The following UNC93A variants were observed in gnomAD, a reference collection of about 807,000 sequenced individuals.
The protein encoded by UNC93A is N-acetylglucosamine transporter UNC93A.
A neutral mutation model predicts 47.5 loss-of-function variants in UNC93A; 43 were observed. The ratio of observed to expected loss-of-function variants is 0.91; its 90% CI spans 0.71 to 1.17. UNC93A has a LOEUF of 1.17. UNC93A is among the 50% of genes most tolerant of loss of function. UNC93A has a pLI of 0.00. For missense variants in UNC93A, 605 were observed against 577.6 expected (o/e 1.05, Z -0.49); for synonymous variants, 280 against 258.0 (o/e 1.09, Z -0.82).
At chr6:167,310,772 G>A (rs1250821489) in intron 7 of UNC93A, among the ~76,000 whole-genome samples, 1 of 152,120 alleles carries the variant, frequency 6.6e-6, no homozygotes, top group Non-Finnish European at 1.5e-5. Context: ...TCTCAGCTAC[G>A]AGGGAGGCTG....
rs1350100024 is a variant in UNC93A at position 167,305,905 on chromosome 6, C to T, written c.841-10C>T. On this transcript the variant is annotated splice_polypyrimidine_tract_variant and intron_variant, in intron 5 of 7. Transcript: ENST00000230256. ...GCGTCCATGACGTGGCTCTGCACCC[C>T]TCTCCCCAGTCCTATGTCACCTGCA... The T allele has an allele frequency of 1.2e-6, 2 of 1,614,134 alleles. No homozygotes were observed. The highest frequency in any genetic ancestry group is 2.2e-5 in the East Asian group (1 of 44,866).
At chr6:167,288,195 T>C (rs1783774279), upstream of UNC93A, among the ~76,000 whole-genome samples, 1 of 152,110 alleles carries the variant, frequency 6.6e-6, no homozygotes, top group Non-Finnish European at 1.5e-5. Context: ...TAATGGAAAT[T>C]AGCTAAGGGT....
intron 1 of UNC93A, among the ~76,000 whole-genome samples, chr6:167,278,161 CACATT>C (rs541633746): frequency 1.3e-5 from 2 of 152,226 alleles, no homozygotes; most frequent in Admixed American, 1.3e-4. Flanking sequence ...GAAAAAGGGA[CACATT>C]ACATTACATT....
intron 2 of UNC93A, among the ~76,000 whole-genome samples, chr6:167,295,552 G>A (rs944401778): frequency 1.0e-5 from 1 of 95,282 alleles, no homozygotes; most frequent in African/African-American, 6.4e-5. Flanking sequence ...CGCCTCCCTC[G>A]TGCTCCTCGC....
At chr6:167,292,841 C>A (rs1428635430) in intron 1 of UNC93A, among the ~76,000 whole-genome samples, 1 of 152,140 alleles carries the variant, frequency 6.6e-6, no homozygotes, top group Non-Finnish European at 1.5e-5. Context: ...TTAGAAAGCT[C>A]ACCTGCCTGC....
Position 167,315,423 on chromosome 6 carries a change from G to C in UNC93A, c.1345G>C (p.Glu449Gln), listed in dbSNP as rs377019875. 1.7e-5 allele frequency: 28 copies of C among 1,613,872 alleles called. No homozygotes were observed. The highest frequency in any genetic ancestry group is 2.0e-5 in the Non-Finnish European group (24 of 1,179,882). ...CGCTCCAGGACAGGTCAACCAGGCA[G>C]AGGATGAAGAAATACAAACAAAAAT... Reference protein sequence around the residue: ...PHAPGQVNQAEDEEIQTKM With the variant: ...PHAPGQVNQAQDEEIQTKM Residue 449 changes from glutamate to glutamine, a missense_variant, in exon 8 of 8, where the codon GAG becomes CAG. Glu to Gln is a conservative substitution (Grantham distance 29, BLOSUM62 2). Transcript: ENST00000230256.
upstream of UNC93A, among the ~76,000 whole-genome samples, chr6:167,290,159 G>A (rs1332999485): frequency 1.3e-5 from 2 of 152,222 alleles, no homozygotes; most frequent in African/African-American, 4.8e-5. Context: ...GGATTAGGGT[G>A]TGAACCCGTG....
Position 167,274,448 on chromosome 6 carries a change from C to T in UNC93A, c.-52+2990C>T, listed in dbSNP as rs182340606. On this transcript the variant is annotated intron_variant, in intron 1 of 3. Coordinates refer to the UNC93A transcript ENST00000503433. The stretch of plus-strand genomic sequence containing the variant: ...CTGGGATGGTTATTTCTTCAGGAAG[C>T]GTCATCCTGTTCTTCTTCTTCCTGT... Among the ~76,000 whole-genome samples the T allele has an allele frequency of 3.2e-4, 48 of 152,246 alleles. 1 individual carries two copies. The highest frequency in any genetic ancestry group is 1.7e-3 in the Admixed American group (26 of 15,306).
intron 7 of UNC93A, among the ~76,000 whole-genome samples, chr6:167,311,947 A>G (rs1778568353): frequency 6.6e-6 from 1 of 151,252 alleles, no homozygotes. Flanking sequence ...TAGTGGGGGG[A>G]CAGCCTTTAT....
At chr6:167,300,615 G>A (rs983008351) in intron 4 of UNC93A, among the ~76,000 whole-genome samples, 7 of 152,112 alleles carry the variant, frequency 4.6e-5, no homozygotes, top group Non-Finnish European at 2.9e-5. Flanking sequence ...GAGGAGCCAC[G>A]GTTTTCTCTG....
chr6:167,282,332 G>A (rs561236183), intron 1 of UNC93A, among the ~76,000 whole-genome samples: 1 of 152,204 alleles, frequency 6.6e-6, no homozygotes, highest in Non-Finnish European at 1.5e-5. Context: ...TAAACAAGAG[G>A]TCATCACACA....
In UNC93A at chr6:167,294,618, G is replaced by A; in HGVS notation, c.189G>A (p.Glu63=). 1.2e-6 allele frequency: 2 copies of A among 1,613,818 alleles called. No individual in the cohort carries two copies. The highest frequency in any genetic ancestry group is 1.7e-6 in the Non-Finnish European group (2 of 1,179,804). ...SSMFLPPLLI[E]RLGCKGTIIL... ...TGTTCCTCCCACCGCTCCTCATCGA[G>A]AGGCTGGGCTGCAAGGGGACCATCA... Residue 63 remains glutamate (E), a synonymous_variant, in exon 2 of 8, where the codon GAG becomes GAA. Coordinates refer to ENST00000230256, the MANE Select transcript of UNC93A (RefSeq NM_018974.4).
At chr6:167,291,683 G>C (rs751410302) in intron 1 of UNC93A, 107 bp downstream of exon 1, 2 of 1,072,720 alleles carry the variant, frequency 1.9e-6, no homozygotes, top group Admixed American at 2.4e-5. Context: ...TTCACCTGGT[G>C]TTTCTTTTTC....
intron 1 of UNC93A, among the ~76,000 whole-genome samples, chr6:167,276,036 C>T (rs1209573090): frequency 6.6e-6 from 1 of 150,628 alleles, no homozygotes; most frequent in Non-Finnish European, 1.5e-5. Flanking sequence ...CTTTTTAACT[C>T]TATGAGATCA....
chr6:167,272,611 G>A (rs1032404244), intron 1 of UNC93A, among the ~76,000 whole-genome samples: 6 of 152,242 alleles, frequency 3.9e-5, no homozygotes, highest in African/African-American at 1.2e-4. Flanking sequence ...GAAGTACATT[G>A]GTTTGGTCCA....
intron 5 of UNC93A, among the ~76,000 whole-genome samples, chr6:167,304,452 C>T (rs140083861): frequency 0.014 from 2,108 of 152,322 alleles, 54 homozygotes; most frequent in African/African-American, 0.048. Context: ...AGACACTCAT[C>T]GGTGTTACCC....
At position 167,315,220 on chromosome 6, in the gene UNC93A, A is replaced by T. The variant is rs766514220; in HGVS notation, c.1142A>T (p.Glu381Val). 9.9e-6 allele frequency: 16 copies of T among 1,613,630 alleles called. No individual in the cohort carries two copies. The highest frequency in any genetic ancestry group is 1.4e-5 in the Non-Finnish European group (16 of 1,179,880). The change falls in exon 8 of 8, where the codon GAA becomes GTA. Residue 381 changes from glutamate (E) to valine (V), a missense_variant. Physicochemically the swap from Glu to Val is moderately radical, Grantham distance 121. Coordinates refer to ENST00000230256, the MANE Select transcript of UNC93A (RefSeq NM_018974.4). ...LYGVLFEKSK[E>V]AAFANYRLWE... Reference sequence around the variant, plus strand: ...GGCGTTCTGTTTGAGAAGAGCAAGGAAGCTGCCTTCGCCAATTACCGCCTG... The same window carrying T: ...GGCGTTCTGTTTGAGAAGAGCAAGGTAGCTGCCTTCGCCAATTACCGCCTG...
chr6:167,305,843 C>T (rs963161251), intron 5 of UNC93A, 72 bp from the exon 6 acceptor site: 60 of 1,604,210 alleles, frequency 3.7e-5, no homozygotes, highest in Middle Eastern at 3.4e-4. Flanking sequence ...TCTAAGCACC[C>T]GACTGCAGCT....
At chr6:167,273,796 G>A (rs978026916) in intron 1 of UNC93A, among the ~76,000 whole-genome samples, 3 of 151,862 alleles carry the variant, frequency 2.0e-5, no homozygotes, top group Admixed American at 2.0e-4. Flanking sequence ...CTGATTGGCA[G>A]TTGGTTGAAA....
Sources: gnomAD v4.1 joint callset for allele counts (sites outside exome capture counted in the v4.1 genomes callset) on GRCh38, gnomAD v4.1.1 for gene constraint, MANE v1.5 for transcripts, NCBI Gene and HGNC (gene_info 2026-07-23, HGNC 2026-07-21) for gene names.